Variants in RGS6 observed in about 807,000 individuals in gnomAD.
RGS6 encodes regulator of G-protein signaling 6.
A neutral mutation model predicts 78.5 loss-of-function variants in RGS6; 30 were observed. The ratio of observed to expected loss-of-function variants is 0.38; its 90% CI spans 0.29 to 0.52. RGS6 has a LOEUF of 0.52. Ranked by LOEUF, RGS6 falls within the 20% of genes least tolerant of loss-of-function variation. RGS6 has a pLI of 0.85. For synonymous variants in RGS6, 206 were observed against 206.0 expected (o/e 1.00, Z 0.00); for missense variants, 495 against 609.7 (o/e 0.81, Z 1.98).
At chr14:72,220,212 A>G (rs569950648) in intron 2 of RGS6, among the ~76,000 whole-genome samples, 1 of 152,334 alleles carries the variant, frequency 6.6e-6, no homozygotes, top group East Asian at 1.9e-4. Context: ...ATTACAGAAC[A>G]CTGCTAAAAG....
intron 8 of RGS6, 41 bp from the exon 9 acceptor site, chr14:72,472,831 A>G (rs765907183): frequency 6.9e-7 from 1 of 1,452,442 alleles, no homozygotes. Context: ...GGAAAACAGA[A>G]TACAGAGCTT....
At chr14:72,097,882 C>T (rs2095442036) in intron 2 of RGS6, among the ~76,000 whole-genome samples, 2 of 152,160 alleles carry the variant, frequency 1.3e-5, no homozygotes, top group South Asian at 4.1e-4. Flanking sequence ...CTGATATCAT[C>T]AGCCAAGCAA....
At chr14:72,503,120 T>C (rs1308128271) in intron 13 of RGS6, among the ~76,000 whole-genome samples, 1 of 152,184 alleles carries the variant, frequency 6.6e-6, no homozygotes, top group Non-Finnish European at 1.5e-5. Flanking sequence ...CATAAATGTC[T>C]GGGTCCTCAC....
intron 3 of RGS6, among the ~76,000 whole-genome samples, chr14:72,445,468 GC>G (rs2095340181): frequency 7.2e-6 from 1 of 139,610 alleles, no homozygotes; most frequent in Non-Finnish European, 1.5e-5. Context: ...GGGATTACAG[GC>G]AAAAAGATGT....
At chr14:71,941,875 A>C (rs1399992921) in intron 1 of RGS6, among the ~76,000 whole-genome samples, 1 of 152,142 alleles carries the variant, frequency 6.6e-6, no homozygotes, top group African/African-American at 2.4e-5. Flanking sequence ...ATTAACCATC[A>C]CAGTAAGCTC....
At chr14:72,495,339 C>T in intron 13 of RGS6, 77 bp downstream of exon 13, 1 of 958,796 alleles carries the variant, frequency 1.0e-6, no homozygotes, top group South Asian at 1.3e-5. Flanking sequence ...ACCTTATATT[C>T]TATCTTAATT....
chr14:72,402,789 G>GTT (rs2092561288), intron 3 of RGS6, among the ~76,000 whole-genome samples: 2 of 125,780 alleles, frequency 1.6e-5, no homozygotes, highest in South Asian at 5.5e-4. Flanking sequence ...TTGTTTTTTT[G>GTT]GTTTTTTTTT....
intron 2 of RGS6, among the ~76,000 whole-genome samples, chr14:72,046,204 GT>G (rs200140046): frequency 0.26 from 31,737 of 122,040 alleles, 3,741 homozygotes; most frequent in South Asian, 0.34. Flanking sequence ...TCATTGTTGG[GT>G]TTTTTTTTTT....
chr14:72,441,144 T>C (rs1428360057), intron 3 of RGS6, among the ~76,000 whole-genome samples: 2 of 151,644 alleles, frequency 1.3e-5, no homozygotes, highest in Non-Finnish European at 2.9e-5. Flanking sequence ...TATTGAGGGG[T>C]AGGGATTAGA....
chr14:72,043,666 T>C (rs1011740417), intron 2 of RGS6, among the ~76,000 whole-genome samples: 1 of 152,228 alleles, frequency 6.6e-6, no homozygotes, highest in Non-Finnish European at 1.5e-5. Context: ...TATTTGACTT[T>C]GGCTTTCAGC....
chr14:71,880,251 G>A, the RGS6 span, among the ~76,000 whole-genome samples: 11 of 152,288 alleles, frequency 7.2e-5, no homozygotes, highest in South Asian at 6.2e-4. Flanking sequence ...GGGAAGCAGG[G>A]CATAAAAGTT....
intron 2 of RGS6, among the ~76,000 whole-genome samples, chr14:72,106,599 A>G (rs1567216325): frequency 2.0e-5 from 3 of 152,162 alleles, no homozygotes; most frequent in African/African-American, 4.8e-5. Flanking sequence ...TGAGTTTTCC[A>G]GTAATTACTC....
rs11287556 is a variant in RGS6, at chr14:72,259,910, C to CAAAAAAAA, written c.85-92171_85-92164dup. On this transcript the variant is annotated intron_variant, in intron 2 of 17. Coordinates refer to ENST00000553525, the MANE Select transcript of RGS6 (RefSeq NM_001204424.2). ...TGGGTGACAGAGTGAGACTCCGTCT[C>CAAAAAAAA]AAAAAAAAAAAAAAAAAAAAAGCTT... 1.9e-4 allele frequency among the ~76,000 whole-genome samples: 13 copies of CAAAAAAAA among 68,398 alleles called. 1 individual carries two copies. The highest frequency in any genetic ancestry group is 1.1e-3 in the African/African-American group (12 of 11,130). The allele number at this position is 68,398 out of a possible 152,430, so 44.9% of individuals were successfully genotyped here.
intron 2 of RGS6, among the ~76,000 whole-genome samples, chr14:72,141,318 A>G (rs1598290379): frequency 6.6e-6 from 1 of 152,140 alleles, no homozygotes; most frequent in East Asian, 1.9e-4. Flanking sequence ...ATCTTCATGC[A>G]GATTCTGTTG....
chr14:72,098,096 T>C (rs2095446532), intron 2 of RGS6, among the ~76,000 whole-genome samples: 1 of 152,174 alleles, frequency 6.6e-6, no homozygotes, highest in African/African-American at 2.4e-5. Flanking sequence ...GGAGATGTTA[T>C]AATATCCTGA....
At chr14:71,987,145 A>G (rs2094748962) in intron 2 of RGS6, among the ~76,000 whole-genome samples, 1 of 152,202 alleles carries the variant, frequency 6.6e-6, no homozygotes, top group South Asian at 2.1e-4. Flanking sequence ...TAGAAAAGGA[A>G]AGGAAAATAA....
chr14:72,547,269 C>G (rs576993707), intron 17 of RGS6: 2 of 1,535,488 alleles, frequency 1.3e-6, no homozygotes, highest in East Asian at 2.4e-5. Flanking sequence ...GCCAATGTCA[C>G]GGTCAAGGAG....
At chr14:72,590,341 G>T in the RGS6 span, among the ~76,000 whole-genome samples, 9 of 152,164 alleles carry the variant, frequency 5.9e-5, no homozygotes, top group African/African-American at 1.2e-4. Flanking sequence ...ATATGAATAG[G>T]CATCACAGCT....
intron 2 of RGS6, among the ~76,000 whole-genome samples, chr14:72,158,935 C>T (rs560638478): frequency 4.3e-4 from 65 of 152,298 alleles, no homozygotes; most frequent in African/African-American, 1.5e-3. Context: ...TTACTTAACC[C>T]ACCTGTGATT....
Sources: allele counts gnomAD v4.1 joint callset (sites outside exome capture counted in the v4.1 genomes callset), GRCh38; gene constraint gnomAD v4.1.1; transcripts MANE v1.5; gene names NCBI Gene and HGNC (gene_info 2026-07-23, HGNC 2026-07-21).